Variants in DCUN1D5 observed in about 807,000 individuals in gnomAD.
The protein encoded by DCUN1D5 is defective in cullin neddylation 1 domain containing 5.
Under a neutral mutation model 38.3 loss-of-function variants are expected in DCUN1D5, and 10 were observed. The observed-to-expected ratio is 0.26, with a 90% CI of 0.16 to 0.44. DCUN1D5 has a LOEUF of 0.44. DCUN1D5 is among the 20% of genes least tolerant of loss of function. The probability of loss-of-function intolerance (pLI) is 1.00; values close to 1 mark genes in which losing one functional copy is unlikely to be tolerated. For missense variants in DCUN1D5, 148 were observed against 275.3 expected (o/e 0.54, Z 3.27); for synonymous variants, 93 against 90.9 (o/e 1.02, Z -0.13).
Position 103,066,021 on chromosome 11 carries a change from A to G in DCUN1D5, c.555+248T>C, listed in dbSNP as rs1170430358. ...CTGCAAGACAAATGTCTGTGATACA[A>G]TGTATTTCTTGGAGGTTTCTTTTAT... On this transcript the variant is annotated intron_variant, in intron 6 of 7. Coordinates refer to ENST00000260247, the MANE Select transcript of DCUN1D5 (RefSeq NM_032299.4). This position sits in a 1 kb window ranked among gnomAD's most constrained non-coding sequence, Gnocchi z 4.7. 6.6e-6 allele frequency among the ~76,000 whole-genome samples: 1 copy of G among 151,906 alleles called. No homozygotes were observed. The highest frequency in any genetic ancestry group is 2.4e-5 in the African/African-American group (1 of 41,356).
chr11:103,084,082 A>G (rs1164471025), intron 2 of DCUN1D5, among the ~76,000 whole-genome samples: 1 of 152,182 alleles, frequency 6.6e-6, no homozygotes, highest in African/African-American at 2.4e-5. Context: ...ATCAATTATC[A>G]TTTTTTCAAA....
intron 4 of DCUN1D5, among the ~76,000 whole-genome samples, chr11:103,081,977 C>G (rs1051851041): frequency 6.6e-6 from 1 of 151,854 alleles, no homozygotes; most frequent in South Asian, 2.1e-4. Flanking sequence ...CTAATTAAGC[C>G]CCAGTTTTTG....
chr11:103,080,941 G>A (rs958088067), intron 4 of DCUN1D5, among the ~76,000 whole-genome samples: 4 of 152,062 alleles, frequency 2.6e-5, no homozygotes, highest in Non-Finnish European at 5.9e-5. Context: ...CCCAGGAGGC[G>A]GAGGTTGCAG....
At chr11:103,089,186 T>G in intron 2 of DCUN1D5, 41 bp downstream of exon 2, 3 of 1,587,626 alleles carry the variant, frequency 1.9e-6, no homozygotes, top group Non-Finnish European at 2.6e-6. Flanking sequence ...ATAAACTTTT[T>G]AAAGCATATG....
At chr11:103,089,391 A>C in intron 1 of DCUN1D5, 73 bp from the exon 2 acceptor site, 1 of 1,320,402 alleles carries the variant, frequency 7.6e-7, no homozygotes, top group African/African-American at 1.5e-5. Context: ...TTCAAAATTA[A>C]CAACTTCCAT....
At position 103,071,717 on chromosome 11, in the gene DCUN1D5, A is replaced by G. The variant is rs527980134; in HGVS notation, c.342-5150T>C. 2.6e-5 allele frequency among the ~76,000 whole-genome samples: 4 copies of G among 151,256 alleles called. No homozygotes were observed. The East Asian group carries it at 7.7e-4, about 29-fold the overall frequency. ...TCCTTGAAAAACACAAACTACCACA[A>G]CACATACAATATACAGTAGTCTGAG... On this transcript the variant is annotated intron_variant, in intron 4 of 7. Coordinates refer to ENST00000260247, the MANE Select transcript of DCUN1D5 (RefSeq NM_032299.4). This position sits in a 1 kb window ranked among gnomAD's most constrained non-coding sequence, Gnocchi z 4.1.
rs1301531826 is a variant in DCUN1D5 at position 103,064,061 on chromosome 11, C to T, written c.658+214G>A. Among the ~76,000 whole-genome samples the T allele has an allele frequency of 1.3e-5, 2 of 151,956 alleles. No homozygotes were observed. The highest frequency in any genetic ancestry group is 2.9e-5 in the Non-Finnish European group (2 of 67,926). ...AAATTTAGCTAAAATGTTTGGTTGCCGAGGAACTGAAAACATTTCATTTAC... is the reference window on the plus strand; with the variant it reads ...AAATTTAGCTAAAATGTTTGGTTGCTGAGGAACTGAAAACATTTCATTTAC... On this transcript the variant is annotated intron_variant, in intron 7 of 7. Coordinates refer to ENST00000260247, the MANE Select transcript of DCUN1D5 (RefSeq NM_032299.4). This position sits in a 1 kb window ranked among gnomAD's most constrained non-coding sequence, Gnocchi z 4.5.
Position 103,092,149 on chromosome 11 carries a change from G to C in DCUN1D5, c.-277C>G, listed in dbSNP as rs1190513200. On this transcript the variant is annotated 5_prime_UTR_variant, in exon 1 of 8. Coordinates refer to ENST00000260247, the MANE Select transcript of DCUN1D5 (RefSeq NM_032299.4). ...CGCGGACAGCGCGGCAGCTCCACCA[G>C]TCACAGCAAGCAAGAGGCTCAGCCT... 2.9e-5 allele frequency: 12 copies of C among 415,918 alleles called. No individual in the cohort carries two copies. In the East Asian group the frequency reaches 5.4e-4, roughly 19 times the overall value. The allele number at this position is 415,918 out of a possible 1,614,324, so 25.8% of individuals were successfully genotyped here.
Position 103,077,165 on chromosome 11 carries a change from A to G in DCUN1D5, c.341+5583T>C, listed in dbSNP as rs958427659. Among the ~76,000 whole-genome samples the G allele has an allele frequency of 2.6e-5, 4 of 152,120 alleles. No homozygotes were observed. The highest frequency in any genetic ancestry group is 1.3e-4 in the Admixed American group (2 of 15,266). On this transcript the variant is annotated intron_variant, in intron 4 of 7. Transcript: ENST00000260247. This position sits in a 1 kb window ranked among gnomAD's most constrained non-coding sequence, Gnocchi z 4.3. ...CAGTGAGCCGAGATCGCGCCACTGCACTCCAGCCTGGGAGACTGAGCAAGA... is the reference window on the plus strand; with the variant it reads ...CAGTGAGCCGAGATCGCGCCACTGCGCTCCAGCCTGGGAGACTGAGCAAGA...
At chr11:103,082,616 C>T in intron 4 of DCUN1D5, 132 bp downstream of exon 4, 2 of 652,304 alleles carry the variant, frequency 3.1e-6, no homozygotes, top group South Asian at 2.1e-5. Flanking sequence ...TTTTCAATCC[C>T]CAAACTAATT....
rs909965002 is a variant in DCUN1D5 at position 103,086,667 on chromosome 11, C to A, written c.178+2560G>T. On this transcript the variant is annotated intron_variant, in intron 2 of 7. Coordinates refer to ENST00000260247, the MANE Select transcript of DCUN1D5 (RefSeq NM_032299.4). This position sits in a 1 kb window ranked among gnomAD's most constrained non-coding sequence, Gnocchi z 4.1. ...CTTCCTCACCAGAAGGCAAGTCCCC[C>A]AAAGGCAGGGATCTTGTCTGACTTG... 5.3e-5 allele frequency among the ~76,000 whole-genome samples: 8 copies of A among 152,134 alleles called. No individual in the cohort carries two copies. Among genetic ancestry groups the A allele is most frequent in the Non-Finnish European group, 1.2e-4 (8 of 68,024 alleles).
In DCUN1D5 at chr11:103,060,160, A is replaced by G. The variant is rs1861977111; in HGVS notation, c.*2199T>C. On this transcript the variant is annotated 3_prime_UTR_variant, in exon 8 of 8. Transcript: ENST00000260247. ...TTTGCCTTCAAAGTAGGCAAATGTT[A>G]TAACTTTAAGAAGGTAAGAGAAATA... Among the ~76,000 whole-genome samples the G allele has an allele frequency of 2.0e-5, 3 of 152,176 alleles. No homozygotes were observed. The highest frequency in any genetic ancestry group is 1.3e-4 in the Admixed American group (2 of 15,268).
chr11:103,091,378 A>G lies in DCUN1D5; in HGVS notation c.86+409T>C, dbSNP rs1862860251. The stretch of plus-strand genomic sequence containing the variant: ...ATGTTCTGCTTTCTTCACACTCTAC[A>G]AAGAAATTCTAGAAGTGACCCTTCT... On this transcript the variant is annotated intron_variant, in intron 1 of 7. Transcript: ENST00000260247. This position sits in a 1 kb window ranked among gnomAD's most constrained non-coding sequence, Gnocchi z 4.3. 5.6e-6 allele frequency: 1 copy of G among 179,186 alleles called. No individual in the cohort carries two copies. The highest frequency in any genetic ancestry group is 9.4e-5 in the South Asian group (1 of 10,690). 11.1% of individuals were successfully genotyped at this position (179,186 alleles called of 1,614,324 possible).
Position 103,064,891 on chromosome 11 carries a change from G to C in DCUN1D5, c.556-514C>G, listed in dbSNP as rs1345333695. Among the ~76,000 whole-genome samples the C allele has an allele frequency of 6.6e-6, 1 of 151,910 alleles. No individual in the cohort carries two copies. The highest frequency in any genetic ancestry group is 2.4e-5 in the African/African-American group (1 of 41,326). On this transcript the variant is annotated intron_variant, in intron 6 of 7. Coordinates refer to ENST00000260247, the MANE Select transcript of DCUN1D5 (RefSeq NM_032299.4). This position sits in a 1 kb window ranked among gnomAD's most constrained non-coding sequence, Gnocchi z 4.5. The stretch of plus-strand genomic sequence containing the variant: ...AACCACCTCCTCATTTGTTAAATGG[G>C]GATAGAATTTAATTCAAAATGGTAT...
intron 1 of DCUN1D5, among the ~76,000 whole-genome samples, chr11:103,090,062 C>G (rs1261356025): frequency 4.0e-5 from 6 of 151,842 alleles, no homozygotes; most frequent in Non-Finnish European, 5.9e-5. Context: ...AAATAATTAC[C>G]CTACCACAAT....
intron 2 of DCUN1D5, among the ~76,000 whole-genome samples, chr11:103,088,430 A>AT (rs928022838): frequency 6.6e-6 from 1 of 152,250 alleles, no homozygotes; most frequent in African/African-American, 2.4e-5. Flanking sequence ...ATGAGATAGT[A>AT]TAAGTGTTCT....
At position 103,086,025 on chromosome 11, in the gene DCUN1D5, T is replaced by G. The variant is rs1403320224; in HGVS notation, c.179-2699A>C. 6.6e-6 allele frequency among the ~76,000 whole-genome samples: 1 copy of G among 152,180 alleles called. No individual in the cohort carries two copies. Among genetic ancestry groups the G allele is most frequent in the East Asian group, 1.9e-4 (1 of 5,202 alleles). Reference sequence around the variant, plus strand: ...TTGTGAAAGAACAAAACCAACAGCCTTATCACACATAATACCATAGTAACA... The same window carrying G: ...TTGTGAAAGAACAAAACCAACAGCCGTATCACACATAATACCATAGTAACA... On this transcript the variant is annotated intron_variant, in intron 2 of 7. Coordinates refer to ENST00000260247, the MANE Select transcript of DCUN1D5 (RefSeq NM_032299.4). This position sits in a 1 kb window ranked among gnomAD's most constrained non-coding sequence, Gnocchi z 4.1.
rs1861726420 is a variant in DCUN1D5, at chr11:103,051,389, T to TATCAG, written c.*10965_*10969dup. ...GACAAGGCAGCAACCTTAGAAATGA[T>TATCAG]ATCAGCATGAAAAGTTCATGACTTA... On this transcript the variant is annotated 3_prime_UTR_variant, in exon 8 of 8. Coordinates refer to ENST00000260247, the MANE Select transcript of DCUN1D5 (RefSeq NM_032299.4). The TATCAG allele has an allele frequency of 6.6e-6, 1 of 152,060 alleles. No homozygotes were observed. Among genetic ancestry groups the TATCAG allele is most frequent in the African/African-American group, 2.4e-5 (1 of 41,396 alleles). The allele number at this position is 152,060 out of a possible 1,614,324, so 9.4% of individuals were successfully genotyped here.
Position 103,071,508 on chromosome 11 carries a change from CTA to C in DCUN1D5, c.342-4943_342-4942del, listed in dbSNP as rs920915630. ...TAATCTATATATAATTTTATATACT[CTA>C]TATCTATATGATCTATAATCTATAT... On this transcript the variant is annotated intron_variant, in intron 4 of 7. Transcript: ENST00000260247. The surrounding 1 kb of genome is among the most constrained non-coding windows in gnomAD (Gnocchi z 4.1). Among the ~76,000 whole-genome samples, 2 of 149,714 alleles carry C rather than the reference CTA, an allele frequency of 1.3e-5. No homozygotes were observed. Among genetic ancestry groups the C allele is most frequent in the African/African-American group, 2.4e-5 (1 of 40,964 alleles).
Sources: gnomAD v4.1 joint callset for allele counts (sites outside exome capture counted in the v4.1 genomes callset) on GRCh38, gnomAD v4.1.1 for gene constraint, Gnocchi (gnomAD v3.1) non-coding constraint, MANE v1.5 for transcripts, NCBI Gene and HGNC (gene_info 2026-07-23, HGNC 2026-07-21) for gene names.